Variants in SEPTIN5 observed in about 807,000 individuals in gnomAD.
The protein encoded by SEPTIN5 is septin-5.
A neutral mutation model predicts 51.2 loss-of-function variants in SEPTIN5; 16 were observed. The observed-to-expected ratio is 0.31, with a 90% CI of 0.21 to 0.47. The LOEUF is 0.47. SEPTIN5 is among the 20% of genes least tolerant of loss of function. SEPTIN5 has a pLI of 0.99. For synonymous variants in SEPTIN5, 208 were observed against 191.2 expected (o/e 1.09, Z -0.72); for missense variants, 376 against 500.3 (o/e 0.75, Z 2.37).
In SEPTIN5 at chr22:19,714,857, G is replaced by T; in HGVS notation, c.54+66G>T. 1 of 1,555,564 alleles carries T rather than the reference G, an allele frequency of 6.4e-7. No individual in the cohort carries two copies. On this transcript the variant is annotated intron_variant, in intron 2 of 11. Transcript: ENST00000455784. The surrounding 1 kb of genome is among the most constrained non-coding windows in gnomAD (Gnocchi z 5.2). ...GGCTGTCACCCATTGTGACACTAGC[G>T]CCTTGGGCGCCCAGGCGCGACCCCG...
chr22:19,722,617 TC>T lies in SEPTIN5; in HGVS notation c.*136del. The T allele has an allele frequency of 3.3e-6, 3 of 922,194 alleles. No individual in the cohort carries two copies. Among genetic ancestry groups the T allele is most frequent in the Non-Finnish European group, 5.0e-6 (3 of 604,680 alleles). The allele number at this position is 922,194 out of a possible 1,614,324, so 57.1% of individuals were successfully genotyped here. On this transcript the variant is annotated 3_prime_UTR_variant, in exon 12 of 12. Transcript: ENST00000455784. ...CTAATTTATTCTCAGCACCACCCCC[TC>T]CCAGGTCATTGTGTCTGTTTCCGAG...
Position 19,722,495 on chromosome 22 carries a change from G to A in SEPTIN5, c.*11G>A. 4 of 1,587,388 alleles carry A rather than the reference G, an allele frequency of 2.5e-6. No individual in the cohort carries two copies. In the South Asian group the frequency reaches 4.6e-5, roughly 18 times the overall value. ...ATGCAGGACCAGTGACGCTCGCCGC[G>A]GACACACCGTCCGTCTCCGGGACGC... On this transcript the variant is annotated 3_prime_UTR_variant, in exon 12 of 12. Transcript: ENST00000455784.
intron 10 of SEPTIN5, 57 bp downstream of exon 10, chr22:19,722,014 T>C (rs1361962128): frequency 6.4e-6 from 10 of 1,565,504 alleles, no homozygotes; most frequent in African/African-American, 4.1e-5. Flanking sequence ...CACGTCTCCA[T>C]AACTGAGGGC....
chr22:19,722,676 C>G lies in SEPTIN5; in HGVS notation c.*192C>G. 1 of 646,374 alleles carries G rather than the reference C, an allele frequency of 1.5e-6. No individual in the cohort carries two copies. The highest frequency in any genetic ancestry group is 2.6e-6 in the Non-Finnish European group (1 of 378,716). 40.0% of individuals were successfully genotyped at this position (646,374 alleles called of 1,614,324 possible). A position where few individuals can be genotyped will look rare whatever the true frequency, so the allele number is the denominator to read the frequency against. On this transcript the variant is annotated 3_prime_UTR_variant, in exon 12 of 12. Coordinates refer to ENST00000455784, the MANE Select transcript of SEPTIN5 (RefSeq NM_002688.6). ...GACCGTAGCCCCCGCCCAGCTGGCC[C>G]TCTCTGACCTTGGGGGATCAGGAGC...
chr22:19,718,895 G>A, intron 2 of SEPTIN5: 2 of 1,211,002 alleles, frequency 1.7e-6, no homozygotes, highest in Non-Finnish European at 2.1e-6. Context: ...CCCCGTCCCC[G>A]CGCGCCACGG....
Position 19,720,754 on chromosome 22 carries a change from T to C in SEPTIN5, c.616-14T>C. ...TGTCTGGCCTCAAATCTGATGGTCC[T>C]TGCCCCACCACAGATCCGGGAGGAG... On this transcript the variant is annotated splice_polypyrimidine_tract_variant and intron_variant, in intron 7 of 11. Transcript: ENST00000455784. 1 of 1,612,804 alleles carries C rather than the reference T, an allele frequency of 6.2e-7. No individual in the cohort carries two copies. The highest frequency in any genetic ancestry group is 8.5e-7 in the Non-Finnish European group (1 of 1,179,474).
At position 19,720,654 on chromosome 22, in the gene SEPTIN5, G is replaced by C. The variant is rs1182811750; in HGVS notation, c.603G>C (p.Lys201Asn). ...ADCLVPSEIR[K>N]LKERIREEID... is the part of the protein sequence containing the mutation. ...GTCTTGTCCCCAGTGAGATCCGGAA[G>C]CTGAAGGAGCGGGTGAGCCTGCCGT... The change falls in exon 7 of 12, where the codon AAG becomes AAC. Residue 201 changes from lysine (K) to asparagine (N), a missense_variant. By Grantham distance (94) the Lys-to-Asn change is moderately conservative. This residue lies in a region of SEPTIN5 where 287 missense variants were observed against 417.1 expected (regional missense o/e 0.69). Transcript: ENST00000455784. 2 of 1,612,842 alleles carry C rather than the reference G, an allele frequency of 1.2e-6. No homozygotes were observed. The highest frequency in any genetic ancestry group is 2.2e-5 in the South Asian group (2 of 91,086).
intron 2 of SEPTIN5, chr22:19,718,611 C>T (rs552505737): frequency 3.2e-6 from 4 of 1,248,508 alleles, no homozygotes; most frequent in East Asian, 3.1e-5. Flanking sequence ...TTCCCGCGTC[C>T]GCAAAACGGG....
At chr22:19,719,573 G>GTCCC in intron 2 of SEPTIN5, 29 bp from the exon 3 acceptor site, 1 of 1,582,786 alleles carries the variant, frequency 6.3e-7, no homozygotes, top group Non-Finnish European at 8.7e-7. Flanking sequence ...AAACCTTTGT[G>GTCCC]TCCCTACCCT....
At position 19,721,872 on chromosome 22, in the gene SEPTIN5, C is replaced by T. The variant is rs773477864; in HGVS notation, c.865C>T (p.Arg289Cys). 1.2e-6 allele frequency: 2 copies of T among 1,612,242 alleles called. No individual in the cohort carries two copies. The highest frequency in any genetic ancestry group is 1.7e-5 in the Admixed American group (1 of 59,980). Residue 289 changes from arginine to cysteine, a missense_variant, in exon 10 of 12, where the codon CGC (arginine) becomes TGC (cysteine). By Grantham distance (180) the Arg-to-Cys change is radical (BLOSUM62 -3). Transcript: ENST00000455784. ...DFVKLRNMLI[R>C]THMHDLKDVT... ...CGTGAAGCTGCGCAACATGCTCATC[C>T]GCACGCATATGCACGACCTCAAGGA...
chr22:19,720,741 A>G (rs369241110), intron 7 of SEPTIN5, 27 bp from the exon 8 acceptor site: 1 of 1,612,644 alleles, frequency 6.2e-7, no homozygotes, highest in African/African-American at 1.3e-5. Flanking sequence ...TCTGGCCTCA[A>G]ATCTGATGGT....
chr22:19,721,006 G>C (rs564730082), intron 8 of SEPTIN5, 137 bp downstream of exon 8: 1 of 742,784 alleles, frequency 1.3e-6, no homozygotes, highest in East Asian at 2.7e-5. Flanking sequence ...TTTGTTCTAG[G>C]AGTAGAGGAC....
chr22:19,722,326 T>A lies in SEPTIN5; in HGVS notation c.1040T>A (p.Met347Lys). 1 of 1,610,284 alleles carries A rather than the reference T, an allele frequency of 6.2e-7. No homozygotes were observed. Among genetic ancestry groups the A allele is most frequent in the East Asian group, 2.2e-5 (1 of 44,752 alleles). Reference protein sequence around the residue: ...PDAETEKLIRMKDEELRRMQE... With the variant: ...PDAETEKLIRKKDEELRRMQE... ...GCCGAGACTGAGAAGCTTATCAGGA[T>A]GAAGGATGAGGAAGTATGTGGGGCG... Residue 347 changes from methionine (M) to lysine (K), a missense_variant, in exon 11 of 12, where the codon ATG (methionine) becomes AAG (lysine). Coordinates refer to ENST00000455784, the MANE Select transcript of SEPTIN5 (RefSeq NM_002688.6).
Position 19,719,560 on chromosome 22 carries a change from G to A in SEPTIN5, c.55-42G>A, listed in dbSNP as rs1022199822. The A allele has an allele frequency of 6.5e-6, 10 of 1,537,546 alleles. No homozygotes were observed. In the South Asian group the frequency reaches 7.9e-5, roughly 12 times the overall value. ...TAAGAGACAGGGTATTGGGCTTCTG[G>A]AGAAACCTTTGTGTCCCTACCCTGT... On this transcript the variant is annotated intron_variant, in intron 2 of 11. Transcript: ENST00000455784.
chr22:19,715,754 G>A (rs1935903384), intron 2 of SEPTIN5, among the ~76,000 whole-genome samples: 1 of 152,198 alleles, frequency 6.6e-6, no homozygotes, highest in Admixed American at 6.5e-5. Context: ...CAGGAGCTGG[G>A]GGAGTCACTG....
At chr22:19,717,876 C>T (rs1935937859) in intron 2 of SEPTIN5, 1 of 173,440 alleles carries the variant, frequency 5.8e-6, no homozygotes, top group Non-Finnish European at 1.2e-5. Context: ...GCATTACACA[C>T]ACACACATTA....
In SEPTIN5 at chr22:19,714,772, A is replaced by C. The variant is rs2145783976; in HGVS notation, c.44-9A>C. 6.4e-7 allele frequency: 1 copy of C among 1,561,192 alleles called. No homozygotes were observed. Among genetic ancestry groups the C allele is most frequent in the Non-Finnish European group, 8.6e-7 (1 of 1,161,166 alleles). On this transcript the variant is annotated splice_polypyrimidine_tract_variant and intron_variant, in intron 1 of 11. Coordinates refer to ENST00000455784, the MANE Select transcript of SEPTIN5 (RefSeq NM_002688.6). This position sits in a 1 kb window ranked among gnomAD's most constrained non-coding sequence, Gnocchi z 5.2. ...GGACCCGGACTCGACCCCGACCCCG[A>C]CCCCGCAGAGGACAAGCAGGTACGT... is the stretch of plus-strand genomic sequence containing the variant.
rs1935885528 is a variant in SEPTIN5 at position 19,714,538 on chromosome 22, G to C, written c.-51G>C. The C allele has an allele frequency of 7.7e-7, 1 of 1,299,652 alleles. No homozygotes were observed. The highest frequency in any genetic ancestry group is 3.9e-5 in the Admixed American group (1 of 25,960). 80.5% of individuals were successfully genotyped at this position (1,299,652 alleles called of 1,614,324 possible). A position where few individuals can be genotyped will look rare whatever the true frequency, so the allele number is the denominator to read the frequency against. On this transcript the variant is annotated 5_prime_UTR_variant, in exon 1 of 12. Coordinates refer to ENST00000455784, the MANE Select transcript of SEPTIN5 (RefSeq NM_002688.6). The surrounding 1 kb of genome is among the most constrained non-coding windows in gnomAD (Gnocchi z 5.2). ...CCGGCCTCGGCCTCCGCCGCTTGTC[G>C]TCGCGCCCCGCCCGCGAGCCCGCCC...
chr22:19,721,717 C>T lies in SEPTIN5; in HGVS notation c.795C>T (p.Tyr265=). ...GGCAGCGGGTCCGGGGCCGACTGTA[C>T]CCCTGGGGGATCGTGGAGGGTGAGT... ...AKGQRVRGRL[Y]PWGIVEVENQ... is the part of the protein sequence containing the mutation. The change falls in exon 9 of 12, where the codon TAC becomes TAT. Residue 265 remains tyrosine, a synonymous_variant. Transcript: ENST00000455784. The T allele has an allele frequency of 1.9e-6, 3 of 1,610,584 alleles. No homozygotes were observed. Among genetic ancestry groups the T allele is most frequent in the Middle Eastern group, 1.7e-4 (1 of 6,044 alleles).
Sources: gnomAD v4.1 joint callset for allele counts (sites outside exome capture counted in the v4.1 genomes callset) on GRCh38, gnomAD v4.1.1 for gene constraint, gnomAD v4.1.1 regional missense constraint, Gnocchi (gnomAD v3.1) non-coding constraint, MANE v1.5 for transcripts, NCBI Gene and HGNC (gene_info 2026-07-23, HGNC 2026-07-21) for gene names.